Variants in ROBO1 observed in about 807,000 individuals in gnomAD.
ROBO1 encodes roundabout homolog 1.
Under a neutral mutation model 195.9 loss-of-function variants are expected in ROBO1, and 149 were observed. That is an observed-to-expected ratio of 0.76 (90% CI 0.67 to 0.87). ROBO1 has a LOEUF of 0.87. Ranked by LOEUF, ROBO1 falls within the 40% of genes least tolerant of loss-of-function variation. The probability of loss-of-function intolerance (pLI) is 0.00; values close to 1 mark genes in which losing one functional copy is unlikely to be tolerated. For synonymous variants in ROBO1, 816 were observed against 733.2 expected (o/e 1.11, Z -1.82); for missense variants, 1,933 against 2,068.3 (o/e 0.93, Z 1.27).
intron 8 of ROBO1, among the ~76,000 whole-genome samples, chr3:78,700,428 C>G (rs574097135): frequency 6.6e-6 from 1 of 152,148 alleles, no homozygotes; most frequent in African/African-American, 2.4e-5. Context: ...CATGGAGGGT[C>G]CAGAGTTAAG....
At chr3:79,625,446 C>CAAAAAAAAAAAAAAAAAAAAAAAA (rs1945144134) in intron 1 of ROBO1, among the ~76,000 whole-genome samples, 2 of 34,474 alleles carry the variant, frequency 5.8e-5, no homozygotes, top group Non-Finnish European at 1.2e-4. Flanking sequence ...AAAAAAAAAG[C>CAAAAAAAAAAAAAAAAAAAAAAAA]AAAATAGACC....
chr3:79,066,815 C>T (rs1017782917), intron 3 of ROBO1, among the ~76,000 whole-genome samples: 1 of 151,912 alleles, frequency 6.6e-6, no homozygotes, highest in African/African-American at 2.4e-5. Flanking sequence ...TAGCATGCCT[C>T]GAAATCCTGT....
chr3:79,093,389 T>G (rs1226838391), intron 3 of ROBO1, among the ~76,000 whole-genome samples: 1 of 152,114 alleles, frequency 6.6e-6, no homozygotes, highest in African/African-American at 2.4e-5. Context: ...AAGTTAAAAA[T>G]ATGTGCTGAT....
intron 4 of ROBO1, among the ~76,000 whole-genome samples, chr3:78,801,767 T>A (rs1253900921): frequency 6.6e-6 from 1 of 152,104 alleles, no homozygotes; most frequent in African/African-American, 2.4e-5. Flanking sequence ...GTAATACAAC[T>A]CATTTGAACA....
chr3:78,679,477 A>C (rs2080833242), intron 10 of ROBO1, among the ~76,000 whole-genome samples: 1 of 152,222 alleles, frequency 6.6e-6, no homozygotes, highest in Non-Finnish European at 1.5e-5. Flanking sequence ...ACTTCAGCAA[A>C]GTCTCAGGAT....
At chr3:79,237,430 G>C (rs1199294234) in intron 2 of ROBO1, among the ~76,000 whole-genome samples, 4 of 151,338 alleles carry the variant, frequency 2.6e-5, no homozygotes, top group Non-Finnish European at 2.9e-5. Flanking sequence ...GCAGTGAGCC[G>C]AGATTGCACC....
At chr3:79,154,120 T>C (rs750631655) in intron 2 of ROBO1, among the ~76,000 whole-genome samples, 6 of 151,826 alleles carry the variant, frequency 4.0e-5, no homozygotes, top group Non-Finnish European at 7.4e-5. Context: ...ACTGTAATTG[T>C]CTTGTAATCT....
chr3:79,329,351 T>C (rs375214747), intron 2 of ROBO1, among the ~76,000 whole-genome samples: 3 of 152,182 alleles, frequency 2.0e-5, no homozygotes, highest in Non-Finnish European at 4.4e-5. Context: ...GACTCATCAA[T>C]GCTGTCAATA....
chr3:78,863,156 T>C lies in ROBO1; in HGVS notation c.499+75445A>G, dbSNP rs537197969. On this transcript the variant is annotated intron_variant, in intron 4 of 30. Transcript: ENST00000464233. Reference sequence around the variant, plus strand: ...TCATTTAATTCTTTCAGTAAACCCATAGAATGGTCTCTCTAAGTCTCTATT... The same window carrying C: ...TCATTTAATTCTTTCAGTAAACCCACAGAATGGTCTCTCTAAGTCTCTATT... Among the ~76,000 whole-genome samples the C allele has an allele frequency of 3.3e-5, 5 of 152,312 alleles. No individual in the cohort carries two copies. In the East Asian group the frequency reaches 7.7e-4, roughly 24 times the overall value.
At chr3:78,986,540 C>T (rs2077110622) in intron 3 of ROBO1, among the ~76,000 whole-genome samples, 1 of 152,108 alleles carries the variant, frequency 6.6e-6, no homozygotes, top group Non-Finnish European at 1.5e-5. Flanking sequence ...TGATCAAATG[C>T]AGACCATAGT....
chr3:78,681,107 C>T (rs1453233624), intron 10 of ROBO1, among the ~76,000 whole-genome samples: 1 of 151,786 alleles, frequency 6.6e-6, no homozygotes, highest in Admixed American at 6.6e-5. Context: ...ACCGCATGTT[C>T]TCACTCACAG....
At chr3:78,713,981 C>T (rs6785152) in intron 8 of ROBO1, among the ~76,000 whole-genome samples, 89,504 of 151,958 alleles carry the variant, frequency 0.59, 27,462 homozygotes, top group East Asian at 0.79. Context: ...GTACAGGCCC[C>T]TGAAAGTGGA....
Position 78,639,767 on chromosome 3 carries a change from T to C in ROBO1, c.3014A>G (p.Asn1005Ser), listed in dbSNP as rs1435835560. The change falls in exon 22 of 31, where the codon AAC (asparagine) becomes AGC (serine). Residue 1005 changes from asparagine to serine, a missense_variant. Transcript: ENST00000464233. ...ACCTGGGCGACTGTAGGTAGTGAGG[T>C]TGCTGTCGCTGTTTCCATTGCCTGC... ...CTAGNGNSDSNLTTYSRPADC... is the reference protein window; with the variant it reads ...CTAGNGNSDSSLTTYSRPADC... The C allele has an allele frequency of 6.2e-7, 1 of 1,613,348 alleles. No individual in the cohort carries two copies.
At chr3:79,748,863 CTT>C (rs1324993616) in intron 1 of ROBO1, among the ~76,000 whole-genome samples, 3 of 152,236 alleles carry the variant, frequency 2.0e-5, no homozygotes, top group African/African-American at 7.2e-5. Context: ...ATTAAAATCT[CTT>C]TTTCTTCCCA....
At position 78,962,354 on chromosome 3, in the gene ROBO1, T is replaced by C. The variant is rs560054619; in HGVS notation, c.173-23427A>G. On this transcript the variant is annotated intron_variant, in intron 3 of 30. Transcript: ENST00000464233. Reference sequence around the variant, plus strand: ...AGGGTCTAATCTTTAAAAATATAAGTATAATTTTCTTTACTTTTTTGGTGG... The same window carrying C: ...AGGGTCTAATCTTTAAAAATATAAGCATAATTTTCTTTACTTTTTTGGTGG... 5.3e-4 allele frequency among the ~76,000 whole-genome samples: 81 copies of C among 151,710 alleles called. 2 individuals are homozygous for C. Among genetic ancestry groups the C allele is most frequent in the Admixed American group, 2.4e-3 (36 of 15,266 alleles).
chr3:79,705,020 T>C (rs1307083731), intron 1 of ROBO1, among the ~76,000 whole-genome samples: 1 of 152,032 alleles, frequency 6.6e-6, no homozygotes, highest in African/African-American at 2.4e-5. Flanking sequence ...TGTCCCATTT[T>C]TAATCAGGTT....
chr3:79,517,992 G>C (rs1179767436), intron 2 of ROBO1, among the ~76,000 whole-genome samples: 1 of 152,152 alleles, frequency 6.6e-6, no homozygotes, highest in Non-Finnish European at 1.5e-5. Context: ...ACGTTGGCTT[G>C]GAGAGCCATC....
intron 1 of ROBO1, among the ~76,000 whole-genome samples, chr3:79,610,222 C>T (rs1313780840): frequency 6.6e-6 from 1 of 151,784 alleles, no homozygotes; most frequent in Non-Finnish European, 1.5e-5. Flanking sequence ...TAGTACTGAA[C>T]CTTAAATATG....
At chr3:78,830,299 C>G (rs376080706) in intron 4 of ROBO1, among the ~76,000 whole-genome samples, 5 of 152,316 alleles carry the variant, frequency 3.3e-5, no homozygotes, top group African/African-American at 1.2e-4. Flanking sequence ...TCTTTCATCA[C>G]TGACCATATT....
Sources: gnomAD v4.1 joint callset for allele counts (sites outside exome capture counted in the v4.1 genomes callset) on GRCh38, gnomAD v4.1.1 for gene constraint, MANE v1.5 for transcripts, NCBI Gene and HGNC (gene_info 2026-07-23, HGNC 2026-07-21) for gene names.